Variants in TMTC1 observed in about 807,000 individuals in gnomAD.
TMTC1 encodes protein O-mannosyl-transferase TMTC1.
A neutral mutation model predicts 104.8 loss-of-function variants in TMTC1; 73 were observed. The ratio of observed to expected loss-of-function variants is 0.70; its 90% confidence interval spans 0.58 to 0.85. The LOEUF (loss-of-function observed/expected upper bound fraction) is 0.85, where lower values mean the gene tolerates loss of function less well. Among genes scored for constraint, TMTC1 ranks in the 40% least tolerant of loss-of-function variants. TMTC1 has a pLI of 0.00. For missense variants in TMTC1, 1,035 were observed against 1,096.1 expected (o/e 0.94, Z 0.79); for synonymous variants, 434 against 428.7 (o/e 1.01, Z -0.15).
chr12:29,656,981 G>A (rs1591875382), intron 5 of TMTC1, among the ~76,000 whole-genome samples: 1 of 152,124 alleles, frequency 6.6e-6, no homozygotes, highest in Non-Finnish European at 1.5e-5. Context: ...AAGGACCTTG[G>A]GACAAGCACT....
chr12:29,671,655 G>A (rs1462328954), intron 5 of TMTC1, among the ~76,000 whole-genome samples: 1 of 152,160 alleles, frequency 6.6e-6, no homozygotes, highest in Non-Finnish European at 1.5e-5. Context: ...CACTTGCCCA[G>A]GACCACAAAG....
Position 29,599,074 on chromosome 12 carries a change from A to G in TMTC1, c.1250+5104T>C, listed in dbSNP as rs910614571. ...CACTGAAGTGAATAAATCATCCTTA[A>G]TCTGGCATGTGAATGAATATTCAGT... On this transcript the variant is annotated intron_variant, in intron 7 of 17. Coordinates refer to ENST00000539277, the MANE Select transcript of TMTC1 (RefSeq NM_001193451.2). 1.9e-4 allele frequency among the ~76,000 whole-genome samples: 29 copies of G among 152,308 alleles called. 1 individual carries two copies. Among genetic ancestry groups the G allele is most frequent in the Admixed American group, 6.5e-4 (10 of 15,298 alleles).
At chr12:29,508,395 GT>G (rs1329978039) in intron 17 of TMTC1, among the ~76,000 whole-genome samples, 1 of 152,120 alleles carries the variant, frequency 6.6e-6, no homozygotes, top group African/African-American at 2.4e-5. Flanking sequence ...ACATTTCTGG[GT>G]CTAAGAGTGC....
intron 10 of TMTC1, among the ~76,000 whole-genome samples, chr12:29,556,631 G>T (rs1220072989): frequency 6.6e-6 from 1 of 152,182 alleles, no homozygotes; most frequent in Non-Finnish European, 1.5e-5. Context: ...GACAATCTAT[G>T]AAAATCTTCC....
At chr12:29,674,794 C>G (rs1940660895) in intron 5 of TMTC1, among the ~76,000 whole-genome samples, 1 of 152,188 alleles carries the variant, frequency 6.6e-6, no homozygotes, top group African/African-American at 2.4e-5. Flanking sequence ...GTGCCCACAC[C>G]TCAAACATCA....
At chr12:29,617,605 AAG>A (rs1947022327) in intron 6 of TMTC1, among the ~76,000 whole-genome samples, 1 of 150,586 alleles carries the variant, frequency 6.6e-6, no homozygotes, top group African/African-American at 2.4e-5. Context: ...AAAAGAGAGA[AAG>A]AGACCACGAG....
chr12:29,700,921 T>A (rs1941570966), intron 5 of TMTC1, among the ~76,000 whole-genome samples: 1 of 152,186 alleles, frequency 6.6e-6, no homozygotes, highest in Non-Finnish European at 1.5e-5. Context: ...AAGTGATAAA[T>A]TAGATACAAA....
At chr12:29,510,384 CTG>C (rs1943800356) in intron 17 of TMTC1, among the ~76,000 whole-genome samples, 1 of 152,256 alleles carries the variant, frequency 6.6e-6, no homozygotes, top group South Asian at 2.1e-4. Context: ...TGGCACATGA[CTG>C]TATTTGAAAA....
chr12:29,758,676 A>C, intron 3 of TMTC1, 28 bp downstream of exon 3: 1 of 1,608,936 alleles, frequency 6.2e-7, no homozygotes, highest in Non-Finnish European at 8.5e-7. Context: ...TTGCGATCAC[A>C]GAGAAGGGCA....
At chr12:29,742,827 T>A (rs532825778) in intron 5 of TMTC1, among the ~76,000 whole-genome samples, 43 of 152,186 alleles carry the variant, frequency 2.8e-4, no homozygotes, top group Non-Finnish European at 5.4e-4. Flanking sequence ...TGAATGTTTT[T>A]CTCTTATCAT....
Position 29,512,032 on chromosome 12 carries a change from T to A in TMTC1, c.2508+11A>T. ...AAGCCCGGTCCACATGGGAGTGAAT[T>A]ATTCTCCTACCTTGATGTGTTGGAT... On this transcript the variant is annotated intron_variant, in intron 17 of 17. Transcript: ENST00000539277. The A allele has an allele frequency of 6.2e-7, 1 of 1,613,860 alleles. No individual in the cohort carries two copies. Among genetic ancestry groups the A allele is most frequent in the Non-Finnish European group, 8.5e-7 (1 of 1,179,738 alleles).
rs117866583 is a variant in TMTC1, at chr12:29,608,947, C to T, written c.1129-4648G>A. 2.5e-3 allele frequency among the ~76,000 whole-genome samples: 388 copies of T among 152,250 alleles called. 2 individuals are homozygous for T. The highest frequency in any genetic ancestry group is 4.4e-3 in the Non-Finnish European group (302 of 68,024). Reference sequence around the variant, plus strand: ...AAAGTGCAATTCACAGGCAAAGACACGCACACACACACTTTGATACACATG... The same window carrying T: ...AAAGTGCAATTCACAGGCAAAGACATGCACACACACACTTTGATACACATG... On this transcript the variant is annotated intron_variant, in intron 6 of 17. Transcript: ENST00000539277.
chr12:29,633,165 G>T lies in TMTC1; in HGVS notation c.1110C>A (p.His370Gln), dbSNP rs370062944. The part of the protein sequence containing the change: ...LAVVMALLSL[H>Q]CLAAFKRLEH... Reference sequence around the variant, plus strand: ...AAATTACCTTAAAGGCTGCTAAGCAGTGCAGGCTCAATAAGGCCATCACAA... The same window carrying T: ...AAATTACCTTAAAGGCTGCTAAGCATTGCAGGCTCAATAAGGCCATCACAA... The change falls in exon 6 of 18, where the codon CAC becomes CAA. Residue 370 changes from histidine (H) to glutamine (Q), a missense_variant. Physicochemically the swap from His to Gln is conservative, Grantham distance 24 (BLOSUM62 0). Coordinates refer to ENST00000539277, the MANE Select transcript of TMTC1 (RefSeq NM_001193451.2). 6.2e-7 allele frequency: 1 copy of T among 1,613,802 alleles called. No individual in the cohort carries two copies. Among genetic ancestry groups the T allele is most frequent in the Non-Finnish European group, 8.5e-7 (1 of 1,179,808 alleles).
At chr12:29,516,039 T>C (rs12164837) in intron 15 of TMTC1, among the ~76,000 whole-genome samples, 13,029 of 151,658 alleles carry the variant, frequency 0.086, 1,488 homozygotes, top group African/African-American at 0.26. Flanking sequence ...AAACAATATA[T>C]AAGAAGGAAA....
chr12:29,540,567 C>T (rs1944767692), intron 10 of TMTC1, among the ~76,000 whole-genome samples: 1 of 152,256 alleles, frequency 6.6e-6, no homozygotes, highest in South Asian at 2.1e-4. Context: ...TCTGTGACCA[C>T]CAGGTTTTAA....
intron 5 of TMTC1, among the ~76,000 whole-genome samples, chr12:29,731,443 G>T (rs1565800294): frequency 6.6e-6 from 1 of 152,182 alleles, no homozygotes; most frequent in South Asian, 2.1e-4. Context: ...TGCCCACAAT[G>T]CACGGCCGCA....
intron 10 of TMTC1, among the ~76,000 whole-genome samples, chr12:29,549,121 C>T (rs73069598): frequency 0.13 from 18,868 of 149,228 alleles, 1,475 homozygotes; most frequent in African/African-American, 0.22. Flanking sequence ...CAGCTTTATT[C>T]GTAATAACCC....
intron 5 of TMTC1, chr12:29,660,800 T>C: frequency 8.4e-7 from 1 of 1,190,536 alleles, no homozygotes; most frequent in Non-Finnish European, 1.1e-6. Context: ...ATATATATAC[T>C]TACATAACTT....
intron 5 of TMTC1, among the ~76,000 whole-genome samples, chr12:29,750,217 T>A (rs1251624574): frequency 6.6e-6 from 1 of 152,040 alleles, no homozygotes; most frequent in African/African-American, 2.4e-5. Context: ...CAATTTGCTA[T>A]GATCCTCAAG....
Sources: allele counts gnomAD v4.1 joint callset (sites outside exome capture counted in the v4.1 genomes callset), GRCh38; gene constraint gnomAD v4.1.1; transcripts MANE v1.5; gene names NCBI Gene and HGNC (gene_info 2026-07-23, HGNC 2026-07-21).